TEX9: variants seen among roughly 807,000 people sequenced by gnomAD.
TEX9 encodes testis expressed 9.
A neutral mutation model predicts 59.6 loss-of-function variants in TEX9; 74 were observed. The ratio of observed to expected loss-of-function variants is 1.24; its 90% CI spans 1.03 to 1.51. TEX9 has a LOEUF of 1.51. Ranked by LOEUF, TEX9 falls within the 40% of genes most tolerant of loss-of-function variation. The probability of loss-of-function intolerance (pLI) is 0.00; values close to 1 mark genes in which losing one functional copy is unlikely to be tolerated. For missense variants in TEX9, 522 were observed against 447.8 expected (o/e 1.17, Z -1.49); for synonymous variants, 186 against 152.2 (o/e 1.22, Z -1.64).
At chr15:56,407,960 A>G (rs2049157328) in intron 9 of TEX9, among the ~76,000 whole-genome samples, 1 of 152,174 alleles carries the variant, frequency 6.6e-6, no homozygotes, top group African/African-American at 2.4e-5. Flanking sequence ...CTTCTACTCA[A>G]GGTCTCTGCA....
intron 1 of TEX9, among the ~76,000 whole-genome samples, chr15:56,326,668 A>T (rs1284161277): frequency 2.6e-5 from 4 of 152,208 alleles, no homozygotes; most frequent in African/African-American, 9.6e-5. Context: ...TTCGTAAGCC[A>T]GCTGTCAGGG....
chr15:56,256,536 G>GA (rs1387255446), intron 1 of TEX9, among the ~76,000 whole-genome samples: 3 of 151,726 alleles, frequency 2.0e-5, no homozygotes, highest in Non-Finnish European at 2.9e-5. Flanking sequence ...ATTACTAAAG[G>GA]AAAAAAACAT....
exon 9 of TEX9, chr15:56,394,708 A>T (rs1371300582): frequency 1.2e-6 from 2 of 1,609,250 alleles, no homozygotes; most frequent in African/African-American, 2.7e-5. Flanking sequence ...ATTTTGAAGA[A>T]GATTTTATGA....
intron 1 of TEX9, among the ~76,000 whole-genome samples, chr15:56,295,434 G>A (rs551422945): frequency 2.6e-4 from 39 of 152,302 alleles, no homozygotes; most frequent in African/African-American, 7.2e-4. Context: ...CTAAGCTGGT[G>A]TCCAAGTAGA....
intron 1 of TEX9, among the ~76,000 whole-genome samples, chr15:56,269,791 C>T (rs529583277): frequency 2.8e-4 from 42 of 151,864 alleles, no homozygotes; most frequent in African/African-American, 9.9e-4. Flanking sequence ...GTAGCTGGGA[C>T]TACAGGCGTG....
At chr15:56,341,226 A>G (rs1024027272) in intron 1 of TEX9, among the ~76,000 whole-genome samples, 2 of 152,080 alleles carry the variant, frequency 1.3e-5, no homozygotes, top group South Asian at 4.1e-4. Flanking sequence ...TCTTCAAAGC[A>G]TTCATGGTGC....
At chr15:56,305,892 C>A (rs1245344114) in intron 1 of TEX9, among the ~76,000 whole-genome samples, 1 of 151,828 alleles carries the variant, frequency 6.6e-6, no homozygotes, top group Non-Finnish European at 1.5e-5. Context: ...GATTACTAAC[C>A]AGAATATATA....
At chr15:56,447,150 C>T (rs544133996), downstream of TEX9, 22 of 468,416 alleles carry the variant, frequency 4.7e-5, no homozygotes, top group African/African-American at 3.9e-4. Context: ...AAGTACTGCT[C>T]TGTTCTATTA....
At chr15:56,261,391 C>A (rs1442269896) in intron 1 of TEX9, among the ~76,000 whole-genome samples, 1 of 151,668 alleles carries the variant, frequency 6.6e-6, no homozygotes, top group Admixed American at 6.6e-5. Flanking sequence ...CAGAGAGAAC[C>A]CACACAGTAA....
chr15:56,284,834 T>C (rs977488983), intron 1 of TEX9, among the ~76,000 whole-genome samples: 2 of 152,138 alleles, frequency 1.3e-5, no homozygotes, highest in African/African-American at 4.8e-5. Flanking sequence ...GTGCCCCCAT[T>C]TGGTCTCTCT....
intron 1 of TEX9, among the ~76,000 whole-genome samples, chr15:56,282,369 G>A (rs1200612892): frequency 6.6e-6 from 1 of 152,110 alleles, no homozygotes; most frequent in African/African-American, 2.4e-5. Context: ...AAGCGTACTT[G>A]TTTCAAACCC....
At chr15:56,301,153 A>C (rs190988560) in intron 1 of TEX9, among the ~76,000 whole-genome samples, 24 of 152,322 alleles carry the variant, frequency 1.6e-4, no homozygotes, top group Non-Finnish European at 2.9e-5. Flanking sequence ...GGTTAATTTA[A>C]TGAAGAGATT....
intron 1 of TEX9, among the ~76,000 whole-genome samples, chr15:56,320,662 TAGGG>T (rs1250396364): frequency 6.6e-6 from 1 of 152,174 alleles, no homozygotes; most frequent in Non-Finnish European, 1.5e-5. Flanking sequence ...GCTGTGGAGA[TAGGG>T]AGAGTAATAT....
At chr15:56,267,060 A>G (rs2044403001) in intron 1 of TEX9, among the ~76,000 whole-genome samples, 1 of 152,062 alleles carries the variant, frequency 6.6e-6, no homozygotes, top group South Asian at 2.1e-4. Context: ...TTTGATTTGC[A>G]TTTCTCTGAT....
intron 2 of TEX9, among the ~76,000 whole-genome samples, chr15:56,366,162 C>T (rs2046933286): frequency 6.6e-6 from 1 of 152,186 alleles, no homozygotes; most frequent in African/African-American, 2.4e-5. Context: ...TACAACTATC[C>T]TGACAACGGT....
At chr15:56,394,009 A>G (rs1596172288) in intron 7 of TEX9, 156 bp from the exon 8 acceptor site, 1 of 524,658 alleles carries the variant, frequency 1.9e-6, no homozygotes, top group African/African-American at 2.0e-5. Context: ...CCTTTTCATT[A>G]GGACTGTTGA....
At chr15:56,437,008 G>A (rs577911074) in intron 12 of TEX9, among the ~76,000 whole-genome samples, 15 of 152,152 alleles carry the variant, frequency 9.9e-5, no homozygotes, top group African/African-American at 2.7e-4. Flanking sequence ...ATTCACAGCC[G>A]AATTCTACCA....
intron 1 of TEX9, among the ~76,000 whole-genome samples, chr15:56,342,523 TA>T: frequency 6.6e-6 from 1 of 152,232 alleles, no homozygotes; most frequent in African/African-American, 2.4e-5. Context: ...ATATTTAATT[TA>T]AAAGAAAGAA....
At chr15:56,327,600 G>C (rs2046046278) in intron 1 of TEX9, among the ~76,000 whole-genome samples, 1 of 152,184 alleles carries the variant, frequency 6.6e-6, no homozygotes, top group Non-Finnish European at 1.5e-5. Context: ...GCACTGAAGA[G>C]GGTAAGAAAG....
Sources: allele counts gnomAD v4.1 joint callset (sites outside exome capture counted in the v4.1 genomes callset), GRCh38; gene constraint gnomAD v4.1.1; transcripts MANE v1.5; gene names NCBI Gene and HGNC (gene_info 2026-07-23, HGNC 2026-07-21).